TOPBP1: variants seen among roughly 807,000 people sequenced by gnomAD.
TOPBP1 encodes DNA topoisomerase 2-binding protein 1.
In TOPBP1, 28 loss-of-function variants were observed where a neutral mutation model predicts 167.7. The ratio of observed to expected loss-of-function variants is 0.17; its 90% CI spans 0.12 to 0.23. The LOEUF is 0.23. Among genes scored for constraint, TOPBP1 ranks in the 10% least tolerant of loss-of-function variants. The probability of loss-of-function intolerance (pLI) is 1.00; values close to 1 mark genes in which losing one functional copy is unlikely to be tolerated. For synonymous variants in TOPBP1, 598 were observed against 611.4 expected, an observed-to-expected ratio of 0.98 and a Z score of 0.32; for missense variants, 1,554 against 1,809.6, an observed-to-expected ratio of 0.86 and a Z score of 2.56.
chr3:133,641,324 C>T (rs1172008043), intron 12 of TOPBP1, among the ~76,000 whole-genome samples: 1 of 152,134 alleles, frequency 6.6e-6, no homozygotes, highest in African/African-American at 2.4e-5. Context: ...TTCTGCTACA[C>T]GTAACCACAC....
intron 27 of TOPBP1, among the ~76,000 whole-genome samples, chr3:133,604,080 C>T (rs374499047): frequency 1.8e-4 from 28 of 151,818 alleles, no homozygotes; most frequent in African/African-American, 6.8e-4. Context: ...CCTAAATAAG[C>T]CAGTTATAAA....
At chr3:133,643,885 G>T in intron 11 of TOPBP1, 135 bp downstream of exon 11, 1 of 943,200 alleles carries the variant, frequency 1.1e-6, no homozygotes, top group Non-Finnish European at 1.5e-6. Flanking sequence ...AATTTCCCTT[G>T]CTAAAAGCAA....
At chr3:133,650,680 C>T (rs924140541) in intron 8 of TOPBP1, among the ~76,000 whole-genome samples, 1 of 152,128 alleles carries the variant, frequency 6.6e-6, no homozygotes, top group Non-Finnish European at 1.5e-5. Context: ...CTCCAAACTG[C>T]ATTTATACCC....
At chr3:133,651,220 C>G (rs1189307142) in intron 8 of TOPBP1, among the ~76,000 whole-genome samples, 1 of 95,224 alleles carries the variant, frequency 1.1e-5, no homozygotes, top group East Asian at 3.7e-4. Context: ...GAGTTTCACT[C>G]TTGTTGACCA....
chr3:133,648,773 G>GC, intron 10 of TOPBP1, among the ~76,000 whole-genome samples: 1 of 151,938 alleles, frequency 6.6e-6, no homozygotes, highest in African/African-American at 2.4e-5. Context: ...ACTCCAGCCT[G>GC]CGCAACAAGA....
chr3:133,612,900 C>T (rs1399638098), intron 23 of TOPBP1, among the ~76,000 whole-genome samples: 2 of 152,132 alleles, frequency 1.3e-5, no homozygotes, highest in Non-Finnish European at 2.9e-5. Flanking sequence ...CAGGTTCTCA[C>T]TCTGTCACCC....
At chr3:133,622,538 G>A (rs573487802) in intron 19 of TOPBP1, among the ~76,000 whole-genome samples, 17 of 151,700 alleles carry the variant, frequency 1.1e-4, no homozygotes, top group African/African-American at 3.1e-4. Flanking sequence ...ACATATTTAC[G>A]GCTATATATG....
rs1359775102 is a variant in TOPBP1, at chr3:133,623,426, G to A, written c.2960C>T (p.Ser987Phe). ...GGGATTATAAGTATGTGGATAAAGA[G>A]ATTCAGGAAGATGTTTACACTCTTG... ...CAQECKHLPE[S>F]LYPHTYNPKM... is the part of the protein sequence containing the mutation. The change falls in exon 18 of 28, where the codon TCT becomes TTT. Residue 987 changes from serine (S) to phenylalanine (F), a missense_variant. Around this residue, in one of 3 missense-constraint regions of TOPBP1, gnomAD observed 1,197 missense variants for 1,351.5 expected, o/e 0.89. Transcript: ENST00000260810. 6.2e-7 allele frequency: 1 copy of A among 1,612,190 alleles called. No individual in the cohort carries two copies. Among genetic ancestry groups the A allele is most frequent in the African/African-American group, 1.3e-5 (1 of 74,916 alleles).
At chr3:133,619,111 C>CAAAAAAA (rs71136485) in intron 20 of TOPBP1, among the ~76,000 whole-genome samples, 11 of 103,212 alleles carry the variant, frequency 1.1e-4, no homozygotes, top group East Asian at 3.1e-4. Flanking sequence ...TGTGGAGAAG[C>CAAAAAAA]AAAAAAAAAA....
rs1473446101 is a variant in TOPBP1, at chr3:133,612,513, C to G, written c.3911G>C (p.Cys1304Ser). ...VIEKQCFDPT[C>S]THIVVGHPLR... ...TGGATGTCCCACAACAATGTGTGTA[C>G]AGGTGGGATCAAAGCACTGCTTTTC... is the stretch of plus-strand genomic sequence containing the variant. The change falls in exon 24 of 28, where the codon TGT (cysteine) becomes TCT (serine). Residue 1304 changes from cysteine (C) to serine (S), a missense_variant. Around this residue, in one of 3 missense-constraint regions of TOPBP1, gnomAD observed 351 missense variants for 432.9 expected, o/e 0.81. Transcript: ENST00000260810. The G allele has an allele frequency of 6.2e-7, 1 of 1,613,864 alleles. No individual in the cohort carries two copies. Among genetic ancestry groups the G allele is most frequent in the Admixed American group, 1.7e-5 (1 of 59,998 alleles).
rs1490115205 is a variant in TOPBP1 at position 133,623,110 on chromosome 3, T to C, written c.3159A>G (p.Gly1053=). The C allele has an allele frequency of 1.2e-6, 2 of 1,607,920 alleles. No homozygotes were observed. The highest frequency in any genetic ancestry group is 1.7e-6 in the Non-Finnish European group (2 of 1,176,148). Residue 1053 remains glycine, a synonymous_variant, in exon 19 of 28, where the codon GGA becomes GGG. Transcript: ENST00000260810. ...NKESAPSNGS[G]KNDSKGVLTQ... is the part of the protein sequence containing the mutation. ...TTTTACCTCCTTTAGAGTCATTCTT[T>C]CCACTTCCATTTGATGGTGCTGACT...
chr3:133,622,185 GTTTTTTTTT>G (rs398052284), intron 19 of TOPBP1, among the ~76,000 whole-genome samples: 7 of 106,448 alleles, frequency 6.6e-5, no homozygotes, highest in Non-Finnish European at 9.0e-5. Flanking sequence ...CACCATTTAT[GTTTTTTTTT>G]TTTTTTTTTT....
intron 16 of TOPBP1, among the ~76,000 whole-genome samples, chr3:133,625,339 A>G (rs1485287314): frequency 6.6e-6 from 1 of 152,258 alleles, no homozygotes; most frequent in East Asian, 1.9e-4. Context: ...ATTTCTAAAT[A>G]CAATCACCAA....
chr3:133,649,805 G>T lies in TOPBP1; in HGVS notation c.1228C>A (p.Gln410Lys), dbSNP rs761563434. 2.4e-5 allele frequency: 39 copies of T among 1,603,270 alleles called. No homozygotes were observed. The highest frequency in any genetic ancestry group is 3.1e-5 in the Non-Finnish European group (37 of 1,177,498). ...CTGTGGGCTGATTTATTCCAAAACT[G>T]CTTCAATTCATCATCATAATCTCCC... ...IVGDYDDELK[Q>K]FWNKSAHRPH... Residue 410 changes from glutamine (Q) to lysine (K), a missense_variant, in exon 9 of 28, where the codon CAG becomes AAG. Around this residue, in one of 3 missense-constraint regions of TOPBP1, gnomAD observed 1,197 missense variants for 1,351.5 expected, o/e 0.89. Transcript: ENST00000260810.
chr3:133,644,652 G>T (rs1393364915), intron 10 of TOPBP1, among the ~76,000 whole-genome samples: 1 of 152,062 alleles, frequency 6.6e-6, no homozygotes, highest in Non-Finnish European at 1.5e-5. Flanking sequence ...GCTCCAACAG[G>T]ACTTAGTTCC....
chr3:133,649,963 T>G lies in TOPBP1; in HGVS notation c.1090-20A>C. Reference sequence around the variant, plus strand: ...ATATATCTGCAAGAAAGAAAATATTTAATATACATAACATGCTTTCTCTCA... The same window carrying G: ...ATATATCTGCAAGAAAGAAAATATTGAATATACATAACATGCTTTCTCTCA... On this transcript the variant is annotated intron_variant, in intron 8 of 27. Coordinates refer to ENST00000260810, the MANE Select transcript of TOPBP1 (RefSeq NM_007027.4). The G allele has an allele frequency of 6.5e-7, 1 of 1,534,042 alleles. No homozygotes were observed. Among genetic ancestry groups the G allele is most frequent in the Non-Finnish European group, 8.7e-7 (1 of 1,144,360 alleles).
intron 8 of TOPBP1, among the ~76,000 whole-genome samples, chr3:133,651,814 A>G (rs1936316229): frequency 6.6e-6 from 1 of 152,194 alleles, no homozygotes. Context: ...TACCCTCAAG[A>G]TAATATCCAT....
intron 27 of TOPBP1, 57 bp downstream of exon 27, chr3:133,608,478 C>A: frequency 6.3e-7 from 1 of 1,575,770 alleles, no homozygotes. Context: ...AGTTACTTAT[C>A]TATGCACATA....
In TOPBP1 at chr3:133,640,014, T is replaced by C. The variant is rs1454349168; in HGVS notation, c.2178A>G (p.Arg726=). 3 of 1,613,928 alleles carry C rather than the reference T, an allele frequency of 1.9e-6. No individual in the cohort carries two copies. The East Asian group carries it at 6.7e-5, about 36-fold the overall frequency. The change falls in exon 13 of 28, where the codon AGA becomes AGG. Residue 726 remains arginine, a synonymous_variant. Coordinates refer to ENST00000260810, the MANE Select transcript of TOPBP1 (RefSeq NM_007027.4). ...VTIAWLLETA[R]TGKRADESHF... is the part of the protein sequence containing the mutation. ...GGCTTTCGTCTGCTCTCTTTCCCGT[T>C]CTAGCAGTCTCCAACAGCCAAGCTA...
Sources: allele counts gnomAD v4.1 joint callset (sites outside exome capture counted in the v4.1 genomes callset), GRCh38; gene constraint gnomAD v4.1.1; regional missense constraint gnomAD v4.1.1; transcripts MANE v1.5; gene names NCBI Gene and HGNC (gene_info 2026-07-23, HGNC 2026-07-21).